MYO16: variants seen among roughly 807,000 people sequenced by gnomAD.
MYO16 encodes the protein unconventional myosin-XVI.
A neutral mutation model predicts 205.3 loss-of-function variants in MYO16; 94 were observed. The ratio of observed to expected loss-of-function variants is 0.46; its 90% CI spans 0.39 to 0.54. The LOEUF (loss-of-function observed/expected upper bound fraction) is 0.54, where lower values mean the gene tolerates loss of function less well. Ranked by LOEUF, MYO16 falls within the 20% of genes least tolerant of loss-of-function variation. The pLI, the probability that MYO16 is intolerant of heterozygous loss-of-function variation, is 0.00. For missense variants in MYO16, 2,315 were observed against 2,387.5 expected, an observed-to-expected ratio of 0.97 and a Z score of 0.63; for synonymous variants, 988 against 954.0, an observed-to-expected ratio of 1.04 and a Z score of -0.66.
the MYO16 span, among the ~76,000 whole-genome samples, chr13:108,500,207 T>G: frequency 1.3e-4 from 1 of 7,788 alleles, no homozygotes; most frequent in Non-Finnish European, 8.2e-4. Flanking sequence ...TTGATTCCTG[T>G]TTTTTTTTTT....
At position 109,127,859 on chromosome 13, in the gene MYO16, T is replaced by TAAAAAAA. The variant is rs34317737; in HGVS notation, c.4051+322_4051+328dup. ...ATGTAAAGGTTCACCAATGAGAAAG[T>TAAAAAAA]AAAAAAAAAAAAAAAAAAACTGCTT... On this transcript the variant is annotated intron_variant, in intron 31 of 34. Transcript: ENST00000457511. This position sits in a 1 kb window ranked among gnomAD's most constrained non-coding sequence, Gnocchi z 4.2. Among the ~76,000 whole-genome samples, 1,373 of 132,564 alleles carry TAAAAAAA rather than the reference T, an allele frequency of 0.01. 26 individuals are homozygous for TAAAAAAA. The highest frequency in any genetic ancestry group is 0.036 in the African/African-American group (1,265 of 35,356). 87.0% of individuals were successfully genotyped at this position (132,564 alleles called of 152,430 possible). A position where few individuals can be genotyped will look rare whatever the true frequency, so the allele number is the denominator to read the frequency against.
rs1162483474 is a variant in MYO16 at position 108,984,410 on chromosome 13, A to G, written c.2370-7966A>G. ...GATTCCTGCCTTTCCTGCAGTCACC[A>G]TCCGCATACATTTGCCGTGGCTTTC... On this transcript the variant is annotated intron_variant, in intron 20 of 34. Transcript: ENST00000457511. Among the ~76,000 whole-genome samples, 3 of 152,178 alleles carry G rather than the reference A, an allele frequency of 2.0e-5. No homozygotes were observed. The East Asian group carries it at 5.8e-4, about 29-fold the overall frequency.
chr13:109,102,053 T>A (rs986848428), intron 28 of MYO16: 3 of 152,172 alleles, frequency 2.0e-5, no homozygotes, highest in Admixed American at 1.3e-4. Flanking sequence ...GATTTAATTG[T>A]CTGTGCCACC....
intron 4 of MYO16, among the ~76,000 whole-genome samples, chr13:108,740,134 CT>C (rs1884852005): frequency 6.7e-6 from 1 of 148,866 alleles, no homozygotes; most frequent in African/African-American, 2.5e-5. Flanking sequence ...CTTCTCTCAA[CT>C]CGTCACAGTC....
intron 2 of MYO16, among the ~76,000 whole-genome samples, chr13:108,671,754 G>A (rs1594195749): frequency 6.6e-6 from 1 of 152,128 alleles, no homozygotes; most frequent in East Asian, 1.9e-4. Flanking sequence ...CCAAGATCAA[G>A]GTACCTGGCT....
intron 23 of MYO16, among the ~76,000 whole-genome samples, chr13:109,024,337 C>T (rs149502292): frequency 3.2e-3 from 488 of 151,852 alleles, no homozygotes; most frequent in Non-Finnish European, 5.4e-3. Flanking sequence ...TGACTGTAAG[C>T]GGATATGTAC....
intron 15 of MYO16, among the ~76,000 whole-genome samples, chr13:108,902,946 G>A (rs1249926206): frequency 6.6e-6 from 1 of 152,170 alleles, no homozygotes; most frequent in African/African-American, 2.4e-5. Context: ...TGAGTAACGT[G>A]ATGAAATCTC....
intron 1 of MYO16, among the ~76,000 whole-genome samples, chr13:108,631,838 G>A (rs982861547): frequency 5.3e-5 from 8 of 152,186 alleles, no homozygotes; most frequent in African/African-American, 1.9e-4. Flanking sequence ...AGAACATTGG[G>A]AGGCCAAAGC....
intron 16 of MYO16, among the ~76,000 whole-genome samples, chr13:108,957,397 A>AAC (rs1555317168): frequency 9.3e-5 from 14 of 150,430 alleles, no homozygotes; most frequent in South Asian, 4.2e-4. Flanking sequence ...AAAAAAAAAA[A>AAC]AAAACAAAAA....
chr13:108,601,279 C>A (rs1878753349), intron 1 of MYO16, among the ~76,000 whole-genome samples: 1 of 152,004 alleles, frequency 6.6e-6, no homozygotes. Flanking sequence ...CTCCCTGAAA[C>A]CTGTTAGAGA....
At chr13:109,185,570 A>G (rs1481113790) in intron 34 of MYO16, among the ~76,000 whole-genome samples, 1 of 152,208 alleles carries the variant, frequency 6.6e-6, no homozygotes, top group Non-Finnish European at 1.5e-5. Flanking sequence ...ATTTTGGTCA[A>G]ATCTATTATA....
At chr13:109,182,893 G>T (rs147330634) in intron 34 of MYO16, among the ~76,000 whole-genome samples, 1 of 152,298 alleles carries the variant, frequency 6.6e-6, no homozygotes, top group Admixed American at 6.5e-5. Flanking sequence ...ACTAGCAAAA[G>T]CTGGGACATT....
At chr13:108,936,366 G>A (rs942718138) in intron 16 of MYO16, among the ~76,000 whole-genome samples, 6 of 151,882 alleles carry the variant, frequency 4.0e-5, no homozygotes, top group Admixed American at 1.3e-4. Context: ...GCTTTTTTTG[G>A]TTGGTAGGTT....
chr13:108,813,425 T>C (rs926912468), intron 7 of MYO16, among the ~76,000 whole-genome samples: 1 of 152,140 alleles, frequency 6.6e-6, no homozygotes, highest in African/African-American at 2.4e-5. Context: ...CATTATATTT[T>C]CCTCTTTATT....
the MYO16 span, among the ~76,000 whole-genome samples, chr13:108,564,666 T>C: frequency 6.6e-6 from 1 of 152,222 alleles, no homozygotes; most frequent in Non-Finnish European, 1.5e-5. Flanking sequence ...TGTGATCCTA[T>C]TTGCCCATTT....
At chr13:109,168,595 T>C (rs1878792766) in intron 33 of MYO16, among the ~76,000 whole-genome samples, 1 of 152,012 alleles carries the variant, frequency 6.6e-6, no homozygotes, top group Non-Finnish European at 1.5e-5. Flanking sequence ...CTTGGTGGTA[T>C]ATGCCTTTAA....
chr13:109,139,956 G>A (rs1039853997), intron 31 of MYO16, among the ~76,000 whole-genome samples: 1 of 151,980 alleles, frequency 6.6e-6, no homozygotes, highest in Non-Finnish European at 1.5e-5. Flanking sequence ...CTAGGCAAGG[G>A]GGGTGGGTGG....
At chr13:108,749,444 A>T (rs1345557153) in intron 4 of MYO16, among the ~76,000 whole-genome samples, 1 of 152,224 alleles carries the variant, frequency 6.6e-6, no homozygotes, top group Non-Finnish European at 1.5e-5. Flanking sequence ...AACCCAAATA[A>T]GAATGGGCAA....
At chr13:109,062,818 C>T (rs879823766) in intron 27 of MYO16, among the ~76,000 whole-genome samples, 3 of 151,988 alleles carry the variant, frequency 2.0e-5, no homozygotes, top group African/African-American at 7.3e-5. Flanking sequence ...AAAACAAAGC[C>T]TTGAGGTGTA....
Sources: allele counts gnomAD v4.1 joint callset (sites outside exome capture counted in the v4.1 genomes callset), GRCh38; gene constraint gnomAD v4.1.1; non-coding constraint Gnocchi (gnomAD v3.1); transcripts MANE v1.5; gene names NCBI Gene and HGNC (gene_info 2026-07-23, HGNC 2026-07-21).